The following ZC3HC1 variants were observed in gnomAD, a reference collection of about 807,000 sequenced individuals.
ZC3HC1 encodes the protein zinc finger C3HC-type containing 1.
In ZC3HC1, 38 loss-of-function variants were observed where a neutral mutation model predicts 61.9. The observed-to-expected ratio is 0.61, with a 90% confidence interval of 0.47 to 0.81. The LOEUF (loss-of-function observed/expected upper bound fraction) is 0.81, where lower values mean the gene tolerates loss of function less well. Among genes scored for constraint, ZC3HC1 ranks in the 30% least tolerant of loss-of-function variants. The probability of loss-of-function intolerance (pLI) is 0.00; values close to 1 mark genes in which losing one functional copy is unlikely to be tolerated. For missense variants in ZC3HC1, 554 were observed against 622.7 expected (o/e 0.89, Z 1.17); for synonymous variants, 213 against 229.9 (o/e 0.93, Z 0.67).
At chr7:130,032,806 A>AGTGG (rs1794275114) in intron 4 of ZC3HC1, among the ~76,000 whole-genome samples, 1 of 122,086 alleles carries the variant, frequency 8.2e-6, no homozygotes, top group African/African-American at 3.3e-5. Flanking sequence ...AAAGGAAGGG[A>AGTGG]AGGAAAAGAA....
Position 130,041,242 on chromosome 7 carries a change from C to G in ZC3HC1, c.259-141G>C, listed in dbSNP as rs1794659280. 13 of 920,522 alleles carry G rather than the reference C, an allele frequency of 1.4e-5. No individual in the cohort carries two copies. In the South Asian group the frequency reaches 2.3e-4, roughly 16 times the overall value. 57.0% of individuals were successfully genotyped at this position (920,522 alleles called of 1,614,324 possible). A position where few individuals can be genotyped will look rare whatever the true frequency, so the allele number is the denominator to read the frequency against. On this transcript the variant is annotated intron_variant, in intron 2 of 9. Coordinates refer to ENST00000358303, the MANE Select transcript of ZC3HC1 (RefSeq NM_016478.5). ...TCACTCTGTCTCCCAGGCTGGAGTG[C>G]AGTGGCACGATCTAAGCTCACTACA...
At chr7:130,034,393 A>C (rs535630868) in intron 4 of ZC3HC1, among the ~76,000 whole-genome samples, 2 of 149,242 alleles carry the variant, frequency 1.3e-5, no homozygotes, top group African/African-American at 4.9e-5. Flanking sequence ...GCTGAGGCAG[A>C]AGAATGGCGT....
chr7:130,028,787 C>A, intron 5 of ZC3HC1, 115 bp downstream of exon 5: 1 of 1,368,800 alleles, frequency 7.3e-7, no homozygotes, highest in East Asian at 2.5e-5. Flanking sequence ...AGATGAGAGA[C>A]AGACAAGCAG....
chr7:130,036,566 T>G (rs1166746660), intron 4 of ZC3HC1: 2 of 151,568 alleles, frequency 1.3e-5, no homozygotes, highest in Non-Finnish European at 2.9e-5. Flanking sequence ...CATCTCAAAA[T>G]AAAAAATAAA....
chr7:130,049,514 T>C (rs1794990661), intron 1 of ZC3HC1, among the ~76,000 whole-genome samples: 1 of 152,058 alleles, frequency 6.6e-6, no homozygotes, highest in African/African-American at 2.4e-5. Flanking sequence ...ACTTCAAGTA[T>C]GCATTATACA....
At chr7:130,039,049 G>T (rs1323555552) in intron 4 of ZC3HC1, among the ~76,000 whole-genome samples, 1 of 150,950 alleles carries the variant, frequency 6.6e-6, no homozygotes, top group Non-Finnish European at 1.5e-5. Flanking sequence ...TAGAAAAGGA[G>T]AAAAAGAGGC....
intron 4 of ZC3HC1, chr7:130,039,211 G>A (rs902987807): frequency 6.6e-5 from 30 of 453,636 alleles, no homozygotes; most frequent in African/African-American, 5.6e-4. Context: ...GGGCGTGGTG[G>A]CGCACGCCTG....
At chr7:130,031,830 C>T (rs1794208381) in intron 4 of ZC3HC1, among the ~76,000 whole-genome samples, 1 of 152,162 alleles carries the variant, frequency 6.6e-6, no homozygotes, top group Admixed American at 6.6e-5. Context: ...TGCTTGACTA[C>T]TGAAGGTGTG....
At chr7:130,020,388 G>T (rs1793588018) in intron 9 of ZC3HC1, among the ~76,000 whole-genome samples, 1 of 151,166 alleles carries the variant, frequency 6.6e-6, no homozygotes, top group African/African-American at 2.4e-5. Flanking sequence ...TCAGCCTCTG[G>T]AGTACTGGGA....
chr7:130,025,939 A>AGTTCAGTT (rs1252344441), intron 6 of ZC3HC1, among the ~76,000 whole-genome samples: 1 of 152,010 alleles, frequency 6.6e-6, no homozygotes, highest in Non-Finnish European at 1.5e-5. Flanking sequence ...CAAGAAACAA[A>AGTTCAGTT]GTTCAGTTGT....
chr7:130,045,640 G>A (rs1051060568), intron 2 of ZC3HC1, among the ~76,000 whole-genome samples: 2 of 152,068 alleles, frequency 1.3e-5, no homozygotes, highest in Non-Finnish European at 2.9e-5. Context: ...AGTGGCTCAC[G>A]CCTGTAATCC....
At chr7:130,028,360 G>A (rs1356621640) in intron 5 of ZC3HC1, among the ~76,000 whole-genome samples, 1 of 151,522 alleles carries the variant, frequency 6.6e-6, no homozygotes, top group Non-Finnish European at 1.5e-5. Flanking sequence ...TGACCAATAT[G>A]GTGAAACCCC....
At chr7:130,043,784 C>T (rs778955949) in intron 2 of ZC3HC1, 37 of 447,070 alleles carry the variant, frequency 8.3e-5, no homozygotes, top group Middle Eastern at 6.6e-4. Context: ...GTGTGGAGTG[C>T]TAGGACCTAA....
chr7:130,023,560 C>A lies in ZC3HC1; in HGVS notation c.1184G>T (p.Ser395Ile), dbSNP rs746324130. 5 of 1,614,170 alleles carry A rather than the reference C, an allele frequency of 3.1e-6. No individual in the cohort carries two copies. The highest frequency in any genetic ancestry group is 4.2e-6 in the Non-Finnish European group (5 of 1,180,040). Reference sequence around the variant, plus strand: ...AGCTCGCTTGGCTTTCCGCAGAGGGCTAGATGGTACCTCCAGGCCAGGGGT... The same window carrying A: ...AGCTCGCTTGGCTTTCCGCAGAGGGATAGATGGTACCTCCAGGCCAGGGGT... ...GDTPGLEVPSSPLRKAKRARL... is the reference protein window; with the variant it reads ...GDTPGLEVPSIPLRKAKRARL... The change falls in exon 8 of 10, where the codon AGC becomes ATC. Residue 395 changes from serine (S) to isoleucine (I), a missense_variant. Transcript: ENST00000358303. This position sits in a 1 kb window ranked among gnomAD's most constrained non-coding sequence, Gnocchi z 4.2.
At chr7:130,045,753 T>C (rs1794838413) in intron 2 of ZC3HC1, among the ~76,000 whole-genome samples, 1 of 151,672 alleles carries the variant, frequency 6.6e-6, no homozygotes, top group Non-Finnish European at 1.5e-5. Context: ...TAGCCAGGAA[T>C]GGTGGTGGGA....
At chr7:130,040,642 C>CA (rs138001319) in intron 3 of ZC3HC1, among the ~76,000 whole-genome samples, 4,364 of 136,156 alleles carry the variant, frequency 0.032, 178 homozygotes, top group African/African-American at 0.1. Flanking sequence ...CCCACCTCTA[C>CA]AAAAAAAAAA....
intron 4 of ZC3HC1, among the ~76,000 whole-genome samples, chr7:130,033,137 A>G (rs1167517922): frequency 1.3e-5 from 2 of 151,972 alleles, no homozygotes; most frequent in African/African-American, 4.8e-5. Context: ...AGCTTACGCG[A>G]TCTTGCCACC....
chr7:130,028,642 A>G (rs1417622707), intron 5 of ZC3HC1, among the ~76,000 whole-genome samples: 1 of 152,196 alleles, frequency 6.6e-6, no homozygotes. Context: ...TCCAGGTTAC[A>G]GCCCTAAAAC....
chr7:130,032,253 T>C (rs1434207889), intron 4 of ZC3HC1, among the ~76,000 whole-genome samples: 1 of 150,868 alleles, frequency 6.6e-6, no homozygotes, highest in African/African-American at 2.4e-5. Context: ...TTGATTTTGA[T>C]AATTTTTGTA....
Sources: gnomAD v4.1 joint callset for allele counts (sites outside exome capture counted in the v4.1 genomes callset) on GRCh38, gnomAD v4.1.1 for gene constraint, Gnocchi (gnomAD v3.1) non-coding constraint, MANE v1.5 for transcripts, NCBI Gene and HGNC (gene_info 2026-07-23, HGNC 2026-07-21) for gene names.